The following DGKB variants were observed in gnomAD, a reference collection of about 807,000 sequenced individuals.
DGKB encodes the protein diacylglycerol kinase beta.
Under a neutral mutation model 114.3 loss-of-function variants are expected in DGKB, and 67 were observed. The observed-to-expected ratio is 0.59, with a 90% CI of 0.48 to 0.72. The LOEUF is 0.72. Among genes scored for constraint, DGKB ranks in the 30% least tolerant of loss-of-function variants. The probability of loss-of-function intolerance (pLI) is 0.00; values close to 1 mark genes in which losing one functional copy is unlikely to be tolerated. For missense variants in DGKB, 907 were observed against 975.2 expected (o/e 0.93, Z 0.93); for synonymous variants, 398 against 323.1 (o/e 1.23, Z -2.49).
chr7:14,964,175 A>G (rs1294017300), intron 1 of DGKB, among the ~76,000 whole-genome samples: 1 of 152,156 alleles, frequency 6.6e-6, no homozygotes, highest in South Asian at 2.1e-4. Flanking sequence ...GCTAAGGCAT[A>G]GAGTCACAAA....
chr7:14,584,949 C>T (rs1287757729), intron 17 of DGKB, among the ~76,000 whole-genome samples: 2 of 152,090 alleles, frequency 1.3e-5, no homozygotes, highest in East Asian at 3.9e-4. Flanking sequence ...TGTGAGCCAC[C>T]TTGCCGGGCG....
intron 23 of DGKB, among the ~76,000 whole-genome samples, chr7:14,225,515 A>C (rs887528725): frequency 5.3e-5 from 8 of 152,090 alleles, no homozygotes; most frequent in Non-Finnish European, 1.0e-4. Context: ...TTATGTTGAA[A>C]GAGAAACTTT....
intron 2 of DGKB, among the ~76,000 whole-genome samples, chr7:14,793,819 G>A (rs546927293): frequency 6.4e-4 from 98 of 152,178 alleles, no homozygotes; most frequent in South Asian, 2.1e-3. Context: ...GTTTTGGTAT[G>A]AGATTAGCAT....
intron 1 of DGKB, among the ~76,000 whole-genome samples, chr7:14,962,618 CTGTGTGTGTGTGTG>C (rs369017205): frequency 7.1e-6 from 1 of 140,456 alleles, no homozygotes; most frequent in Admixed American, 7.1e-5. Flanking sequence ...ATAGCTATAG[CTGTGTGTGTGTGTG>C]TGTTTGTGTG....
At chr7:14,815,907 C>T (rs1357650980) in intron 2 of DGKB, among the ~76,000 whole-genome samples, 2 of 152,178 alleles carry the variant, frequency 1.3e-5, no homozygotes, top group Admixed American at 6.5e-5. Flanking sequence ...AATATAACTG[C>T]TCAGGTGAAA....
At chr7:14,916,804 T>A (rs1441516816) in intron 1 of DGKB, among the ~76,000 whole-genome samples, 1 of 152,016 alleles carries the variant, frequency 6.6e-6, no homozygotes, top group African/African-American at 2.4e-5. Flanking sequence ...TAATTGACAT[T>A]TATAAAAGAT....
intron 20 of DGKB, among the ~76,000 whole-genome samples, chr7:14,522,634 A>T (rs991841654): frequency 6.6e-6 from 1 of 152,216 alleles, no homozygotes; most frequent in Non-Finnish European, 1.5e-5. Context: ...GAGCATGCCC[A>T]GGAAAAAATG....
chr7:14,294,029 G>A (rs956837276), intron 23 of DGKB, among the ~76,000 whole-genome samples: 1 of 152,088 alleles, frequency 6.6e-6, no homozygotes, highest in Admixed American at 6.6e-5. Flanking sequence ...CAAAGTGTTG[G>A]CAAGCTCCAT....
chr7:14,450,064 T>C (rs1242846588), intron 21 of DGKB, among the ~76,000 whole-genome samples: 1 of 152,020 alleles, frequency 6.6e-6, no homozygotes, highest in Non-Finnish European at 1.5e-5. Context: ...ATATTTTGGA[T>C]AAATTGTTCC....
At chr7:14,963,669 C>T (rs984654281) in intron 1 of DGKB, among the ~76,000 whole-genome samples, 6 of 152,124 alleles carry the variant, frequency 3.9e-5, no homozygotes, top group Non-Finnish European at 7.4e-5. Flanking sequence ...TTGTTTGATA[C>T]GCTAGGGAGT....
intron 21 of DGKB, among the ~76,000 whole-genome samples, chr7:14,350,860 AT>A (rs1583339447): frequency 6.6e-6 from 1 of 152,248 alleles, no homozygotes; most frequent in East Asian, 1.9e-4. Flanking sequence ...CTTAGTTAAA[AT>A]GAAATTAAAT....
intron 23 of DGKB, among the ~76,000 whole-genome samples, chr7:14,246,790 C>G (rs1794542163): frequency 6.6e-6 from 1 of 151,958 alleles, no homozygotes; most frequent in African/African-American, 2.4e-5. Context: ...TATCATCTCA[C>G]ATTGTTACCT....
At chr7:14,472,644 G>A (rs951870571) in intron 21 of DGKB, among the ~76,000 whole-genome samples, 1 of 152,240 alleles carries the variant, frequency 6.6e-6, no homozygotes, top group Middle Eastern at 3.4e-3. Context: ...TCAAAAGAAG[G>A]CAGGAAAATG....
At position 14,896,017 on chromosome 7, in the gene DGKB, T is replaced by A. The variant is rs183765790; in HGVS notation, c.-188+6575A>T. Among the ~76,000 whole-genome samples the A allele has an allele frequency of 2.4e-3, 361 of 151,830 alleles. 1 individual carries two copies. Among genetic ancestry groups the A allele is most frequent in the African/African-American group, 8.6e-3 (355 of 41,498 alleles). On this transcript the variant is annotated intron_variant, in intron 1 of 25. Transcript: ENST00000402815. ...TTTTGTTTTCAGGTCAAGGATCTTG[T>A]CATGCTTTTCTATAGCACCTCTGTT... is the stretch of plus-strand genomic sequence containing the variant.
chr7:14,346,347 C>T lies in DGKB; in HGVS notation c.1836-956G>A, dbSNP rs1051759607. 3.3e-5 allele frequency among the ~76,000 whole-genome samples: 5 copies of T among 151,728 alleles called. No homozygotes were observed. The Admixed American group carries it at 3.3e-4, about 10-fold the overall frequency. ...TGCTTATTATTATGCTATGTTAAAT[C>T]CAATAGAGTGCTTATTATTATGCAG... is the stretch of plus-strand genomic sequence containing the variant. On this transcript the variant is annotated intron_variant, in intron 21 of 25. Transcript: ENST00000402815.
intron 13 of DGKB, among the ~76,000 whole-genome samples, chr7:14,669,034 A>G (rs1818517873): frequency 6.6e-6 from 1 of 152,166 alleles, no homozygotes; most frequent in Non-Finnish European, 1.5e-5. Context: ...CTCCTTGAAA[A>G]TCACAGTTTC....
chr7:14,300,332 G>A (rs1425430059), intron 23 of DGKB, among the ~76,000 whole-genome samples: 3 of 151,976 alleles, frequency 2.0e-5, no homozygotes, highest in East Asian at 1.9e-4. Context: ...TCTAGGTGAG[G>A]CATGAACTTA....
intron 1 of DGKB, among the ~76,000 whole-genome samples, chr7:14,946,585 CACAT>C (rs1215888849): frequency 6.6e-6 from 1 of 151,760 alleles, no homozygotes; most frequent in Admixed American, 6.6e-5. Flanking sequence ...ACAAACTACA[CACAT>C]ACACACAAAT....
At chr7:14,883,706 C>T (rs1854590825) in intron 1 of DGKB, among the ~76,000 whole-genome samples, 2 of 151,882 alleles carry the variant, frequency 1.3e-5, no homozygotes, top group African/African-American at 4.8e-5. Context: ...AAACCTGAAC[C>T]TAAAGGCTTA....
Sources: gnomAD v4.1 joint callset for allele counts (sites outside exome capture counted in the v4.1 genomes callset) on GRCh38, gnomAD v4.1.1 for gene constraint, MANE v1.5 for transcripts, NCBI Gene and HGNC (gene_info 2026-07-23, HGNC 2026-07-21) for gene names.